PCCA: variants seen among roughly 807,000 people sequenced by gnomAD.
PCCA encodes the protein propionyl-CoA carboxylase subunit alpha, also known as propionyl-CoA carboxylase alpha chain, mitochondrial.
PCCA carries 74 observed loss-of-function variants against 101.3 expected under a neutral mutation model. The ratio of observed to expected loss-of-function variants is 0.73; its 90% confidence interval spans 0.61 to 0.89. The LOEUF (loss-of-function observed/expected upper bound fraction) is 0.89, where lower values mean the gene tolerates loss of function less well. Ranked by LOEUF, PCCA falls within the 40% of genes least tolerant of loss-of-function variation. The probability of loss-of-function intolerance (pLI) is 0.00; values close to 1 mark genes in which losing one functional copy is unlikely to be tolerated. For synonymous variants in PCCA, 294 were observed against 313.6 expected (o/e 0.94, Z 0.66); for missense variants, 891 against 907.0 (o/e 0.98, Z 0.23).
chr13:100,200,835 A>G lies in PCCA; in HGVS notation c.469-8497A>G, dbSNP rs913712152. ...ACAATATAGAAGTATAATTAAATAA[A>G]GTCTACATTTTATGTGAGACAAAAC... On this transcript the variant is annotated intron_variant, in intron 6 of 23. Transcript: ENST00000376285. 6.6e-5 allele frequency among the ~76,000 whole-genome samples: 10 copies of G among 152,164 alleles called. No individual in the cohort carries two copies. The South Asian group carries it at 2.1e-3, about 32-fold the overall frequency.
chr13:100,440,698 CATT>C (rs1240920267), intron 20 of PCCA, among the ~76,000 whole-genome samples: 1 of 151,472 alleles, frequency 6.6e-6, no homozygotes, highest in Non-Finnish European at 1.5e-5. Flanking sequence ...TGTTTGAAGT[CATT>C]ATTATTTTGT....
chr13:100,410,789 T>C (rs2078003333), intron 19 of PCCA, among the ~76,000 whole-genome samples: 1 of 152,246 alleles, frequency 6.6e-6, no homozygotes, highest in Non-Finnish European at 1.5e-5. Flanking sequence ...AACTCGTTTC[T>C]TATTAAATTT....
chr13:100,473,010 G>C (rs2083137799), intron 21 of PCCA, among the ~76,000 whole-genome samples: 1 of 152,116 alleles, frequency 6.6e-6, no homozygotes, highest in Admixed American at 6.5e-5. Flanking sequence ...CTTGAGGGGA[G>C]GAATGTTTCT....
rs1275845610 is a variant in PCCA at position 100,394,244 on chromosome 13, G to A, written c.1746+25670G>A. Reference sequence around the variant, plus strand: ...ATTCATCCATAACTAGAAACACCTCGCTTCAAACGGGTTTCTTCAAAGAAA... The same window carrying A: ...ATTCATCCATAACTAGAAACACCTCACTTCAAACGGGTTTCTTCAAAGAAA... On this transcript the variant is annotated intron_variant, in intron 19 of 23. Transcript: ENST00000376285. The surrounding 1 kb of genome is among the most constrained non-coding windows in gnomAD (Gnocchi z 4.3). Among the ~76,000 whole-genome samples the A allele has an allele frequency of 2.6e-5, 4 of 152,158 alleles. No homozygotes were observed. Among genetic ancestry groups the A allele is most frequent in the Non-Finnish European group, 5.9e-5 (4 of 68,036 alleles).
chr13:100,416,084 G>A (rs184579050), intron 19 of PCCA, among the ~76,000 whole-genome samples: 1 of 152,218 alleles, frequency 6.6e-6, no homozygotes, highest in East Asian at 1.9e-4. Flanking sequence ...CCACTTCAGC[G>A]TTATTTGTAC....
rs770148620 is a variant in PCCA, at chr13:100,530,200, A to C, written c.*34A>C. ...TAACCTTTCAGTCATCACCCAATTT[A>C]ATTAGCCATTTGCATGATGCTTTCA... On this transcript the variant is annotated 3_prime_UTR_variant, in exon 24 of 24. Coordinates refer to ENST00000376285, the MANE Select transcript of PCCA (RefSeq NM_000282.4). 130 of 1,524,188 alleles carry C rather than the reference A, an allele frequency of 8.5e-5. 1 individual carries two copies. Among genetic ancestry groups the C allele is most frequent in the Non-Finnish European group, 9.6e-5 (105 of 1,098,474 alleles). 94.4% of individuals were successfully genotyped at this position (1,524,188 alleles called of 1,614,324 possible).
chr13:100,509,410 G>T (rs749221023), intron 21 of PCCA, among the ~76,000 whole-genome samples: 1 of 152,212 alleles, frequency 6.6e-6, no homozygotes, highest in East Asian at 1.9e-4. Context: ...ACTTCCAGGG[G>T]CACGTTTATC....
At chr13:100,165,506 C>G (rs973839756) in intron 6 of PCCA, among the ~76,000 whole-genome samples, 2 of 152,244 alleles carry the variant, frequency 1.3e-5, no homozygotes, top group Middle Eastern at 3.4e-3. Context: ...ATTTTTTCCC[C>G]TCACATTTTC....
At chr13:100,300,501 A>G (rs903844041) in intron 12 of PCCA, among the ~76,000 whole-genome samples, 1 of 152,218 alleles carries the variant, frequency 6.6e-6, no homozygotes, top group African/African-American at 2.4e-5. Flanking sequence ...GAAATATGAC[A>G]TGTCATGATA....
intron 19 of PCCA, among the ~76,000 whole-genome samples, chr13:100,410,911 A>G (rs2078011990): frequency 6.6e-6 from 1 of 152,154 alleles, no homozygotes; most frequent in Admixed American, 6.5e-5. Flanking sequence ...TAGAAGATTT[A>G]TGTGTATGTC....
chr13:100,384,195 T>C (rs971681704), intron 19 of PCCA, among the ~76,000 whole-genome samples: 7 of 152,146 alleles, frequency 4.6e-5, no homozygotes, highest in Non-Finnish European at 1.0e-4. Context: ...CTGGTTAATT[T>C]TTGTAGTTTA....
At chr13:100,140,431 T>A (rs754437422) in intron 4 of PCCA, among the ~76,000 whole-genome samples, 2 of 152,046 alleles carry the variant, frequency 1.3e-5, no homozygotes, top group Non-Finnish European at 2.9e-5. Flanking sequence ...GGAAAAAAAA[T>A]ATGGGAATTG....
At chr13:100,385,636 T>A (rs1450002239) in intron 19 of PCCA, among the ~76,000 whole-genome samples, 3 of 152,248 alleles carry the variant, frequency 2.0e-5, no homozygotes, top group Non-Finnish European at 4.4e-5. Context: ...TTATTTATTT[T>A]TTTTGAGACC....
intron 19 of PCCA, among the ~76,000 whole-genome samples, chr13:100,412,555 CTG>C (rs1284435060): frequency 6.6e-6 from 1 of 152,186 alleles, no homozygotes; most frequent in Non-Finnish European, 1.5e-5. Flanking sequence ...ACACTGGTAA[CTG>C]TAAATTTAAC....
chr13:100,455,836 A>G (rs2152934223), intron 21 of PCCA, among the ~76,000 whole-genome samples: 1 of 152,128 alleles, frequency 6.6e-6, no homozygotes, highest in South Asian at 2.1e-4. Context: ...AGTAGCTGGG[A>G]CTACAGGTGC....
intron 19 of PCCA, among the ~76,000 whole-genome samples, chr13:100,375,173 G>A (rs887889803): frequency 2.6e-5 from 4 of 152,104 alleles, no homozygotes; most frequent in Non-Finnish European, 4.4e-5. Flanking sequence ...GTAGTTGTGC[G>A]GTTTCGAATG....
intron 1 of PCCA, among the ~76,000 whole-genome samples, chr13:100,096,960 G>C (rs533175053): frequency 6.6e-6 from 1 of 151,930 alleles, no homozygotes; most frequent in East Asian, 1.9e-4. Flanking sequence ...AGGCCGAGGC[G>C]AGTGGATCAC....
intron 4 of PCCA, among the ~76,000 whole-genome samples, chr13:100,144,023 G>A (rs141524955): frequency 9.2e-5 from 14 of 151,574 alleles, no homozygotes; most frequent in Non-Finnish European, 1.8e-4. Flanking sequence ...CTTGGCCTCC[G>A]AAAGTGTTGG....
chr13:100,469,475 G>A (rs1468160717), intron 21 of PCCA, among the ~76,000 whole-genome samples: 2 of 151,830 alleles, frequency 1.3e-5, no homozygotes, highest in Admixed American at 6.6e-5. Flanking sequence ...TTTCTTGTAC[G>A]TATCAAAAGG....
Sources: gnomAD v4.1 joint callset for allele counts (sites outside exome capture counted in the v4.1 genomes callset) on GRCh38, gnomAD v4.1.1 for gene constraint, Gnocchi (gnomAD v3.1) non-coding constraint, MANE v1.5 for transcripts, NCBI Gene and HGNC (gene_info 2026-07-23, HGNC 2026-07-21) for gene names.